Variants in DHX30 observed in about 807,000 individuals in gnomAD.
The protein encoded by DHX30 is ATP-dependent RNA helicase DHX30.
DHX30 carries 4 observed loss-of-function variants against 116.9 expected under a neutral mutation model. That is an observed-to-expected ratio of 0.03 (90% CI 0.02 to 0.08). The LOEUF (loss-of-function observed/expected upper bound fraction) is 0.08. DHX30 is among the 10% of genes least tolerant of loss of function. The probability of loss-of-function intolerance (pLI) is 1.00; values close to 1 mark genes in which losing one functional copy is unlikely to be tolerated. For synonymous variants in DHX30, 697 were observed against 651.7 expected, an observed-to-expected ratio of 1.07 and a Z score of -1.06; for missense variants, 871 against 1,595.1, an observed-to-expected ratio of 0.55 and a Z score of 7.73.
In DHX30 at chr3:47,846,894, G is replaced by A. The variant is rs768771765; in HGVS notation, c.1822G>A (p.Val608Ile). 32 of 1,613,014 alleles carry A rather than the reference G, an allele frequency of 2.0e-5. No homozygotes were observed. Among genetic ancestry groups the A allele is most frequent in the Admixed American group, 6.7e-5 (4 of 59,998 alleles). ...RFSRYFGGCPVIKVPGFMYPV... is the reference protein window; with the variant it reads ...RFSRYFGGCPIIKVPGFMYPV... ...CTCCCGATACTTTGGTGGCTGCCCC[G>A]TCATCAAGGTGCCTGGCTTCATGTA... The change falls in exon 11 of 22, where the codon GTC (valine) becomes ATC (isoleucine). Residue 608 changes from valine (V) to isoleucine (I), a missense_variant. By Grantham distance (29) the Val-to-Ile change is conservative (BLOSUM62 3). Around this residue, in one of 13 missense-constraint regions of DHX30, gnomAD observed 61 missense variants for 106.7 expected, o/e 0.57. Coordinates refer to ENST00000445061, the MANE Select transcript of DHX30 (RefSeq NM_138615.3).
chr3:47,833,588 G>A lies in DHX30; in HGVS notation c.366+4454G>A, dbSNP rs2036967496. The stretch of plus-strand genomic sequence containing the variant: ...GAGCACCTAAAATGTACTCTTGGGC[G>A]CTGGCTCATGCCTGTAATCTCAGCA... On this transcript the variant is annotated intron_variant, in intron 6 of 21. Transcript: ENST00000445061. 2.7e-5 allele frequency among the ~76,000 whole-genome samples: 4 copies of A among 150,450 alleles called. No homozygotes were observed. The South Asian group carries it at 8.4e-4, about 32-fold the overall frequency.
chr3:47,818,768 C>G (rs530258425), intron 4 of DHX30, among the ~76,000 whole-genome samples: 47 of 152,278 alleles, frequency 3.1e-4, no homozygotes, highest in African/African-American at 9.9e-4. Context: ...CTCCTCTTCT[C>G]CCTCAGACTT....
intron 6 of DHX30, among the ~76,000 whole-genome samples, chr3:47,833,033 C>T (rs2036934756): frequency 6.6e-6 from 1 of 151,348 alleles, no homozygotes; most frequent in Non-Finnish European, 1.5e-5. Flanking sequence ...TATCCTCCCA[C>T]CTTAGCCTCC....
At chr3:47,843,282 G>C in intron 9 of DHX30, 27 bp downstream of exon 9, 1 of 1,612,132 alleles carries the variant, frequency 6.2e-7, no homozygotes, top group Middle Eastern at 1.7e-4. Flanking sequence ...CCTGGGTGTG[G>C]TGCATGAGAA....
chr3:47,832,711 A>G (rs2036916693), intron 6 of DHX30, among the ~76,000 whole-genome samples: 1 of 150,112 alleles, frequency 6.7e-6, no homozygotes, highest in Non-Finnish European at 1.5e-5. Flanking sequence ...GTCTCAGCTC[A>G]CTGCAACCTC....
At chr3:47,833,711 AG>A (rs992413348) in intron 6 of DHX30, among the ~76,000 whole-genome samples, 2 of 151,462 alleles carry the variant, frequency 1.3e-5, no homozygotes, top group African/African-American at 4.9e-5. Context: ...TACAAAAATT[AG>A]CCGGGCATAG....
At chr3:47,825,313 G>A in intron 4 of DHX30, 5 of 538,630 alleles carry the variant, frequency 9.3e-6, no homozygotes, top group Non-Finnish European at 3.3e-6. Flanking sequence ...AGAGCTAGGG[G>A]CGCGGGCCGA....
At position 47,848,341 on chromosome 3, in the gene DHX30, T is replaced by C. The variant is rs560769115; in HGVS notation, c.2448T>C (p.Leu816=). The C allele has an allele frequency of 1.2e-6, 2 of 1,614,012 alleles. No homozygotes were observed. Among genetic ancestry groups the C allele is most frequent in the South Asian group, 2.2e-5 (2 of 91,074 alleles). The part of the protein sequence containing the change: ...FQVPEILRTP[L]ENLVLQAKIH... ...TGCCAGAGATCCTGCGCACACCTCT[T>C]GAGAACCTGGTGCTGCAAGCGAAAA... Residue 816 remains leucine, a synonymous_variant, in exon 15 of 22, where the codon CTT becomes CTC. Transcript: ENST00000445061. The surrounding 1 kb of genome is among the most constrained non-coding windows in gnomAD (Gnocchi z 9.4).
At chr3:47,838,409 A>G (rs1019232465) in intron 6 of DHX30, among the ~76,000 whole-genome samples, 28 of 152,242 alleles carry the variant, frequency 1.8e-4, no homozygotes. Flanking sequence ...ATATATCTCC[A>G]TGGATTTACA....
rs779203311 is a variant in DHX30, at chr3:47,841,070, G to T, written c.560G>T (p.Arg187Leu). The change falls in exon 7 of 22, where the codon CGG becomes CTG. Residue 187 changes from arginine (R) to leucine (L), a missense_variant. Physicochemically the swap from Arg to Leu is moderately radical, Grantham distance 102. Coordinates refer to ENST00000445061, the MANE Select transcript of DHX30 (RefSeq NM_138615.3). ...GPGGLSRSLG[R>L]EEEEDEEEEL... Reference sequence around the variant, plus strand: ...GGGGGCCTATCCCGCTCTTTAGGCCGGGAAGAAGAGGAGGACGAGGAGGAA... The same window carrying T: ...GGGGGCCTATCCCGCTCTTTAGGCCTGGAAGAAGAGGAGGACGAGGAGGAA... The T allele has an allele frequency of 6.2e-7, 1 of 1,614,012 alleles. No individual in the cohort carries two copies.
At chr3:47,803,454 G>A (rs905019879) in intron 1 of DHX30, among the ~76,000 whole-genome samples, 5 of 152,152 alleles carry the variant, frequency 3.3e-5, no homozygotes, top group South Asian at 4.1e-4. Flanking sequence ...CGGGGGCGGG[G>A]GCCAGACCGG....
chr3:47,803,921 G>C (rs2035409320), intron 1 of DHX30, among the ~76,000 whole-genome samples: 1 of 152,142 alleles, frequency 6.6e-6, no homozygotes, highest in African/African-American at 2.4e-5. Context: ...CAAGGCAGAG[G>C]CTGTTTCACT....
At position 47,846,520 on chromosome 3, in the gene DHX30, G is replaced by A. The variant is rs755126369; in HGVS notation, c.1448G>A (p.Arg483His). ...ERYVTEGRGA[R>H]CNVIITQPRR... ...TATGTGACCGAGGGCCGAGGTGCCC[G>A]CTGCAATGTTATCATCACCCAACCT... Residue 483 changes from arginine (R) to histidine (H), a missense_variant, in exon 11 of 22, where the codon CGC becomes CAC. Arg to His is a conservative substitution (Grantham distance 29). Coordinates refer to ENST00000445061, the MANE Select transcript of DHX30 (RefSeq NM_138615.3). 10 of 1,613,902 alleles carry A rather than the reference G, an allele frequency of 6.2e-6. No homozygotes were observed. The highest frequency in any genetic ancestry group is 5.0e-5 in the Admixed American group (3 of 60,012).
Position 47,846,345 on chromosome 3 carries a change from G to C in DHX30, c.1273G>C (p.Gly425Arg). 6.2e-7 allele frequency: 1 copy of C among 1,614,082 alleles called. No homozygotes were observed. The highest frequency in any genetic ancestry group is 8.5e-7 in the Non-Finnish European group (1 of 1,180,036). Residue 425 changes from glycine to arginine, a missense_variant, in exon 11 of 22, where the codon GGG (glycine) becomes CGG (arginine). Transcript: ENST00000445061. ...TCTGCTAGAACTGTGGCGGCGGCGAGGGCCGGTCTGGCAGGAGGCCCCCCA... is the reference window on the plus strand; with the variant it reads ...TCTGCTAGAACTGTGGCGGCGGCGACGGCCGGTCTGGCAGGAGGCCCCCCA... ...QSLLELWRRR[G>R]PVWQEAPQLP... is the part of the protein sequence containing the mutation.
chr3:47,848,378 G>A lies in DHX30; in HGVS notation c.2485G>A (p.Glu829Lys), dbSNP rs1328069558. 1 of 1,614,156 alleles carries A rather than the reference G, an allele frequency of 6.2e-7. No individual in the cohort carries two copies. Among genetic ancestry groups the A allele is most frequent in the South Asian group, 1.1e-5 (1 of 91,082 alleles). ...GCTGCAAGCGAAAATCCACATGCCT[G>A]AGAAGACGGTGCGGCGGGGCGGGGC... ...LVLQAKIHMP[E>K]KTAVEFLSKA... The change falls in exon 15 of 22, where the codon GAG (glutamate) becomes AAG (lysine). Residue 829 changes from glutamate to lysine, a missense_variant. Coordinates refer to ENST00000445061, the MANE Select transcript of DHX30 (RefSeq NM_138615.3). This position sits in a 1 kb window ranked among gnomAD's most constrained non-coding sequence, Gnocchi z 9.4.
At chr3:47,840,489 C>T (rs553694071) in intron 6 of DHX30, among the ~76,000 whole-genome samples, 37 of 151,626 alleles carry the variant, frequency 2.4e-4, no homozygotes, top group Non-Finnish European at 3.1e-4. Context: ...TACAAAAATT[C>T]GCTGGGCGTT....
intron 2 of DHX30, among the ~76,000 whole-genome samples, chr3:47,805,777 G>T (rs1266765829): frequency 6.6e-6 from 1 of 152,186 alleles, no homozygotes; most frequent in Non-Finnish European, 1.5e-5. Context: ...CTGACGTCAG[G>T]TGATCAGCCT....
chr3:47,829,237 C>T (rs114352152), intron 6 of DHX30, 103 bp downstream of exon 6: 106 of 469,946 alleles, frequency 2.3e-4, no homozygotes, highest in African/African-American at 2.2e-3. Context: ...CACTCACCTG[C>T]CCTGAGCCCT....
At chr3:47,820,245 C>T (rs183493901) in intron 4 of DHX30, among the ~76,000 whole-genome samples, 2 of 151,742 alleles carry the variant, frequency 1.3e-5, no homozygotes, top group East Asian at 1.9e-4. Context: ...ACGCAGGAGG[C>T]GGGGGTTGCA....
Sources: gnomAD v4.1 joint callset for allele counts (sites outside exome capture counted in the v4.1 genomes callset) on GRCh38, gnomAD v4.1.1 for gene constraint, gnomAD v4.1.1 regional missense constraint, Gnocchi (gnomAD v3.1) non-coding constraint, MANE v1.5 for transcripts, NCBI Gene and HGNC (gene_info 2026-07-23, HGNC 2026-07-21) for gene names.